The following TRAP1 variants were observed in gnomAD, a reference collection of about 807,000 sequenced individuals.
TRAP1 encodes heat shock protein 75 kDa, mitochondrial.
Under a neutral mutation model 89.1 loss-of-function variants are expected in TRAP1, and 102 were observed. The ratio of observed to expected loss-of-function variants is 1.15; its 90% CI spans 0.98 to 1.35. TRAP1 has a LOEUF of 1.35. Among genes scored for constraint, TRAP1 ranks in the 40% most tolerant of loss-of-function variants. The probability of loss-of-function intolerance (pLI) is 0.00; values close to 1 mark genes in which losing one functional copy is unlikely to be tolerated. For synonymous variants in TRAP1, 508 were observed against 388.0 expected, an observed-to-expected ratio of 1.31 and a Z score of -3.64; for missense variants, 1,256 against 945.3, an observed-to-expected ratio of 1.33 and a Z score of -4.31.
chr16:3,712,278 T>C (rs1006130481), intron 1 of TRAP1, among the ~76,000 whole-genome samples: 2 of 41,432 alleles, frequency 4.8e-5, no homozygotes, highest in African/African-American at 2.3e-4. Context: ...ACAGAAAGAA[T>C]CTGTCTCAAA....
chr16:3,696,547 C>G (rs1302563673), intron 1 of TRAP1, among the ~76,000 whole-genome samples: 1 of 152,096 alleles, frequency 6.6e-6, no homozygotes, highest in Non-Finnish European at 1.5e-5. Context: ...ACAGCAATAA[C>G]TGGCTGGTGT....
chr16:3,697,070 CTCCACAGAGA>C lies in TRAP1; in HGVS notation c.89-6095_89-6086del, dbSNP rs1164429891. ...CAGTGGTAGATACTGCCAAGTCACACTCCACAGAGATCCTATCAGTTTACGTTCCCACAGC... is the reference window on the plus strand; with the variant it reads ...CAGTGGTAGATACTGCCAAGTCACACTCCTATCAGTTTACGTTCCCACAGC... On this transcript the variant is annotated intron_variant, in intron 1 of 17. Transcript: ENST00000246957. 9.2e-5 allele frequency among the ~76,000 whole-genome samples: 14 copies of C among 152,296 alleles called. No individual in the cohort carries two copies. In the South Asian group the frequency reaches 2.9e-3, roughly 32 times the overall value.
At chr16:3,705,214 G>A (rs899760876) in intron 1 of TRAP1, among the ~76,000 whole-genome samples, 1 of 151,930 alleles carries the variant, frequency 6.6e-6, no homozygotes, top group African/African-American at 2.4e-5. Context: ...ACAGGCGCCC[G>A]CCACCACACC....
intron 1 of TRAP1, among the ~76,000 whole-genome samples, chr16:3,713,962 A>G (rs1200289585): frequency 6.6e-6 from 1 of 152,204 alleles, no homozygotes; most frequent in African/African-American, 2.4e-5. Flanking sequence ...GAAAAGACAC[A>G]ACTGCTAGCC....
At chr16:3,659,934 GA>G (rs1317068588) in intron 16 of TRAP1, 1 of 152,042 alleles carries the variant, frequency 6.6e-6, no homozygotes, top group Non-Finnish European at 1.5e-5. Context: ...ATTTTTAGTA[GA>G]GATGAGGTCT....
chr16:3,702,176 C>A (rs939159783), intron 1 of TRAP1, among the ~76,000 whole-genome samples: 2 of 149,656 alleles, frequency 1.3e-5, no homozygotes, highest in African/African-American at 5.1e-5. Context: ...TCCCTGCTGT[C>A]GATGTTGAGG....
chr16:3,663,808 T>A, intron 13 of TRAP1: 1 of 522,086 alleles, frequency 1.9e-6, no homozygotes, highest in Non-Finnish European at 3.4e-6. Flanking sequence ...GTGCAGTGGC[T>A]CACGCCTGTA....
chr16:3,695,398 G>A (rs550841535), intron 1 of TRAP1, among the ~76,000 whole-genome samples: 5 of 152,048 alleles, frequency 3.3e-5, no homozygotes, highest in African/African-American at 7.2e-5. Flanking sequence ...TTAGCCAGAC[G>A]TGGTGGCGCA....
intron 10 of TRAP1, 26 bp downstream of exon 10, chr16:3,672,674 C>A: frequency 6.3e-7 from 1 of 1,596,444 alleles, no homozygotes; most frequent in Non-Finnish European, 8.5e-7. Flanking sequence ...CACGGGGGCA[C>A]TGCTCACGGA....
chr16:3,690,921 C>T lies in TRAP1; in HGVS notation c.153G>A (p.Trp51Ter), dbSNP rs755832319. ...TGAACAGTCGTCCTGCCTGCAAGCT[C>T]CAGGCTGGGTTTCGCCTGGGGCCCA... ...AQLGPRRNPAWSLQAGRLFST... is the reference protein window; with the variant it reads ...AQLGPRRNPA Residue 51 changes from tryptophan to a stop codon, truncating the protein, a stop_gained, in exon 2 of 18, where the codon TGG becomes TGA. Coordinates refer to ENST00000246957, the MANE Select transcript of TRAP1 (RefSeq NM_016292.3). LOFTEE classifies it high-confidence loss of function. 4 of 1,592,298 alleles carry T rather than the reference C, an allele frequency of 2.5e-6. No individual in the cohort carries two copies. The highest frequency in any genetic ancestry group is 1.7e-4 in the Middle Eastern group (1 of 6,002).
In TRAP1 at chr16:3,659,712, C is replaced by G. The variant is rs141218924; in HGVS notation, c.1941-847G>C. 6 of 151,986 alleles carry G rather than the reference C, an allele frequency of 3.9e-5. No individual in the cohort carries two copies. The East Asian group carries it at 1.2e-3, about 29-fold the overall frequency. 9.4% of individuals were successfully genotyped at this position (151,986 alleles called of 1,614,324 possible). A position where few individuals can be genotyped will look rare whatever the true frequency, so the allele number is the denominator to read the frequency against. On this transcript the variant is annotated intron_variant, in intron 16 of 17. Transcript: ENST00000246957. ...GATGATATGCTGAGACTCAGCCATT[C>G]CATTTCCTAACTGCATCCCTTTAAA...
intron 1 of TRAP1, among the ~76,000 whole-genome samples, chr16:3,697,094 C>T (rs1465838809): frequency 6.6e-6 from 1 of 152,152 alleles, no homozygotes; most frequent in African/African-American, 2.4e-5. Context: ...TATCAGTTTA[C>T]GTTCCCACAG....
intron 1 of TRAP1, among the ~76,000 whole-genome samples, chr16:3,706,458 T>TC (rs905594532): frequency 3.2e-5 from 4 of 125,482 alleles, no homozygotes; most frequent in African/African-American, 1.2e-4. Context: ...TTTGCACTCT[T>TC]TTTTTTTTTT....
At chr16:3,669,229 C>T (rs568656432) in intron 11 of TRAP1, among the ~76,000 whole-genome samples, 5 of 152,280 alleles carry the variant, frequency 3.3e-5, no homozygotes, top group African/African-American at 9.6e-5. Flanking sequence ...CAGGCGCACT[C>T]GAAGTGCACA....
At chr16:3,704,014 CA>C (rs34889672) in intron 1 of TRAP1, among the ~76,000 whole-genome samples, 143,167 of 147,142 alleles carry the variant, frequency 0.97, 69,674 homozygotes, top group East Asian at 1. Flanking sequence ...GACCCCGTCT[CA>C]AAAAAAAAAA....
intron 1 of TRAP1, among the ~76,000 whole-genome samples, chr16:3,691,410 G>T (rs2051212900): frequency 6.6e-6 from 1 of 152,096 alleles, no homozygotes; most frequent in South Asian, 2.1e-4. Flanking sequence ...TTGTAGAAAT[G>T]GGGTTTTGCT....
chr16:3,693,231 G>A (rs756764290), intron 1 of TRAP1, among the ~76,000 whole-genome samples: 1 of 152,116 alleles, frequency 6.6e-6, no homozygotes, highest in Admixed American at 6.6e-5. Context: ...TTACAGGCGT[G>A]AGCCACCATG....
At chr16:3,705,313 C>T (rs1239585447) in intron 1 of TRAP1, among the ~76,000 whole-genome samples, 1 of 152,120 alleles carries the variant, frequency 6.6e-6, no homozygotes, top group African/African-American at 2.4e-5. Flanking sequence ...TCGTGATCCG[C>T]CCGCATCGGC....
intron 5 of TRAP1, chr16:3,677,948 G>T (rs2051021499): frequency 2.8e-6 from 1 of 352,228 alleles, no homozygotes; most frequent in South Asian, 3.8e-5. Context: ...CACACCTGGG[G>T]GTGGGGAAAG....
Sources: allele counts gnomAD v4.1 joint callset (sites outside exome capture counted in the v4.1 genomes callset), GRCh38; gene constraint gnomAD v4.1.1; transcripts MANE v1.5; gene names NCBI Gene and HGNC (gene_info 2026-07-23, HGNC 2026-07-21).